The following GPC6 variants were observed in gnomAD, a reference collection of about 807,000 sequenced individuals.
GPC6 encodes glypican-6.
Under a neutral mutation model 55.2 loss-of-function variants are expected in GPC6, and 14 were observed. The observed-to-expected ratio is 0.25, with a 90% CI of 0.17 to 0.40. GPC6 has a LOEUF of 0.40. Among genes scored for constraint, GPC6 ranks in the 10% least tolerant of loss-of-function variants. The pLI is 1.00. For missense variants in GPC6, 641 were observed against 708.5 expected (o/e 0.90, Z 1.08); for synonymous variants, 278 against 259.6 (o/e 1.07, Z -0.68).
chr13:93,568,507 T>G, intron 2 of GPC6, among the ~76,000 whole-genome samples: 1 of 152,064 alleles, frequency 6.6e-6, no homozygotes, highest in Non-Finnish European at 1.5e-5. Flanking sequence ...AAGACAGAAT[T>G]TATGCGACTG....
chr13:93,993,917 A>G (rs1881424412), intron 3 of GPC6, among the ~76,000 whole-genome samples: 1 of 152,174 alleles, frequency 6.6e-6, no homozygotes. Context: ...GGGAATATTT[A>G]TATTTTCCTG....
At chr13:94,221,301 C>A (rs1462728628) in intron 4 of GPC6, among the ~76,000 whole-genome samples, 1 of 152,062 alleles carries the variant, frequency 6.6e-6, no homozygotes, top group Non-Finnish European at 1.5e-5. Flanking sequence ...CAGAAGTAAA[C>A]CAATCATTTT....
At chr13:93,601,116 T>C (rs1338649731) in intron 2 of GPC6, among the ~76,000 whole-genome samples, 1 of 150,888 alleles carries the variant, frequency 6.6e-6, no homozygotes, top group African/African-American at 2.4e-5. Context: ...TGTTGGGGAG[T>C]GGTGGCTCAC....
intron 6 of GPC6, among the ~76,000 whole-genome samples, chr13:94,317,163 T>G (rs985207764): frequency 6.6e-6 from 1 of 152,344 alleles, no homozygotes; most frequent in Admixed American, 6.5e-5. Context: ...TGGAATTATT[T>G]GCAAAATTGT....
intron 2 of GPC6, among the ~76,000 whole-genome samples, chr13:93,728,780 T>C (rs1388861506): frequency 1.3e-5 from 2 of 152,270 alleles, no homozygotes; most frequent in African/African-American, 4.8e-5. Flanking sequence ...TTGGCCAGGC[T>C]GGTTTCGAAC....
At chr13:94,353,739 G>A (rs1315848228) in intron 6 of GPC6, among the ~76,000 whole-genome samples, 1 of 152,218 alleles carries the variant, frequency 6.6e-6, no homozygotes, top group Non-Finnish European at 1.5e-5. Context: ...TCACCTGACA[G>A]AGCTAATTAA....
intron 2 of GPC6, among the ~76,000 whole-genome samples, chr13:93,695,564 C>G (rs1882423443): frequency 6.6e-6 from 1 of 151,920 alleles, no homozygotes; most frequent in African/African-American, 2.4e-5. Flanking sequence ...GTTTTAGATA[C>G]TAAGAAGTAT....
At chr13:93,366,106 A>G (rs1023437720) in intron 1 of GPC6, among the ~76,000 whole-genome samples, 1 of 152,040 alleles carries the variant, frequency 6.6e-6, no homozygotes, top group Non-Finnish European at 1.5e-5. Context: ...GCAGAACACA[A>G]TTTGTGGTCT....
At chr13:93,425,946 C>T (rs1877110143) in intron 1 of GPC6, among the ~76,000 whole-genome samples, 1 of 152,180 alleles carries the variant, frequency 6.6e-6, no homozygotes, top group Admixed American at 6.5e-5. Flanking sequence ...ATTTCTCCTC[C>T]CGCCAAATGA....
chr13:93,416,514 C>T (rs1326076819), intron 1 of GPC6, among the ~76,000 whole-genome samples: 1 of 152,040 alleles, frequency 6.6e-6, no homozygotes, highest in Non-Finnish European at 1.5e-5. Context: ...AGTATCCACC[C>T]CCTCAAGCCT....
chr13:93,891,698 T>TA (rs1452615720), intron 3 of GPC6, among the ~76,000 whole-genome samples: 1 of 152,006 alleles, frequency 6.6e-6, no homozygotes, highest in Non-Finnish European at 1.5e-5. Context: ...ACATTTACAA[T>TA]GTGTATAGTG....
intron 1 of GPC6, among the ~76,000 whole-genome samples, chr13:93,406,127 G>T (rs768124178): frequency 6.6e-6 from 1 of 152,132 alleles, no homozygotes. Flanking sequence ...TCAATGTTTG[G>T]TGAAGTAGAC....
At chr13:94,151,852 G>T (rs1303021020) in intron 4 of GPC6, among the ~76,000 whole-genome samples, 1 of 152,134 alleles carries the variant, frequency 6.6e-6, no homozygotes, top group Non-Finnish European at 1.5e-5. Flanking sequence ...TGCAGAGTAA[G>T]TAACATAAAG....
chr13:93,329,566 C>T (rs553847828), intron 1 of GPC6, among the ~76,000 whole-genome samples: 1 of 152,134 alleles, frequency 6.6e-6, no homozygotes, highest in Non-Finnish European at 1.5e-5. Flanking sequence ...TAAGATTCAA[C>T]TTTATAAGTG....
At chr13:93,532,315 C>CTG (rs1366344454) in intron 1 of GPC6, among the ~76,000 whole-genome samples, 2 of 152,012 alleles carry the variant, frequency 1.3e-5, no homozygotes, top group Admixed American at 6.6e-5. Flanking sequence ...ATGAATCTCT[C>CTG]TGTGTGTGTG....
intron 1 of GPC6, among the ~76,000 whole-genome samples, chr13:93,261,182 T>C (rs1877133645): frequency 6.6e-6 from 1 of 152,112 alleles, no homozygotes; most frequent in African/African-American, 2.4e-5. Context: ...TTCTATGAGA[T>C]ATGGGCAGTT....
At chr13:93,930,207 G>A (rs988890073) in intron 3 of GPC6, among the ~76,000 whole-genome samples, 4 of 151,120 alleles carry the variant, frequency 2.6e-5, no homozygotes, top group African/African-American at 7.3e-5. Flanking sequence ...ACAGGTATAA[G>A]CAGGTACTTA....
chr13:93,991,060 T>G (rs1371153338), intron 3 of GPC6, among the ~76,000 whole-genome samples: 4 of 152,158 alleles, frequency 2.6e-5, no homozygotes, highest in South Asian at 4.1e-4. Flanking sequence ...CATTGATTTT[T>G]TTTTCTTCTC....
At chr13:94,010,067 C>T (rs942477307) in intron 3 of GPC6, among the ~76,000 whole-genome samples, 6 of 151,982 alleles carry the variant, frequency 3.9e-5, no homozygotes, top group African/African-American at 1.4e-4. Flanking sequence ...TCGAAGCCTG[C>T]AAAAACAAAC....
Sources: gnomAD v4.1 joint callset for allele counts (sites outside exome capture counted in the v4.1 genomes callset) on GRCh38, gnomAD v4.1.1 for gene constraint, MANE v1.5 for transcripts, NCBI Gene and HGNC (gene_info 2026-07-23, HGNC 2026-07-21) for gene names.